Variants in RB1 observed in about 807,000 individuals in gnomAD.
RB1 encodes the protein RB transcriptional corepressor 1, also known as retinoblastoma-associated protein.
A neutral mutation model predicts 135.4 loss-of-function variants in RB1; 18 were observed. The observed-to-expected ratio is 0.13, with a 90% CI of 0.09 to 0.20. RB1 has a LOEUF of 0.20. RB1 is among the 10% of genes least tolerant of loss of function. The probability of loss-of-function intolerance (pLI) is 1.00; values close to 1 mark genes in which losing one functional copy is unlikely to be tolerated. For synonymous variants in RB1, 365 were observed against 373.2 expected (o/e 0.98, Z 0.25); for missense variants, 868 against 1,110.0 (o/e 0.78, Z 3.10).
chr13:48,440,690 T>C (rs546461243), intron 17 of RB1, among the ~76,000 whole-genome samples: 1 of 152,196 alleles, frequency 6.6e-6, no homozygotes, highest in South Asian at 2.1e-4. Context: ...AATTTAAAAT[T>C]GTAGTTGCAC....
At chr13:48,313,280 T>C (rs1470825771) in intron 2 of RB1, among the ~76,000 whole-genome samples, 1 of 152,116 alleles carries the variant, frequency 6.6e-6, no homozygotes, top group Non-Finnish European at 1.5e-5. Context: ...ATTTGCAGAC[T>C]TTTCCCCCCA....
chr13:48,392,966 G>T (rs766141066), intron 17 of RB1, among the ~76,000 whole-genome samples: 1 of 152,028 alleles, frequency 6.6e-6, no homozygotes. Flanking sequence ...TTATTTATCT[G>T]GTTTTTGTTT....
chr13:48,321,105 CGGCCA>C (rs1438588928), intron 2 of RB1, among the ~76,000 whole-genome samples: 1 of 152,070 alleles, frequency 6.6e-6, no homozygotes, highest in African/African-American at 2.4e-5. Context: ...ACTTTTGACT[CGGCCA>C]GGCCCCCTGC....
intron 2 of RB1, among the ~76,000 whole-genome samples, chr13:48,324,050 A>T (rs1030778775): frequency 1.2e-4 from 18 of 152,086 alleles, no homozygotes; most frequent in Non-Finnish European, 1.8e-4. Flanking sequence ...TTACTTTAAA[A>T]TTTTTTATTT....
At chr13:48,458,126 C>A (rs1949373109) in intron 19 of RB1, among the ~76,000 whole-genome samples, 1 of 152,238 alleles carries the variant, frequency 6.6e-6, no homozygotes, top group African/African-American at 2.4e-5. Flanking sequence ...GTCCCCGGCT[C>A]CTCCGGGCTT....
intron 2 of RB1, among the ~76,000 whole-genome samples, chr13:48,320,785 C>G (rs553741091): frequency 1.3e-5 from 2 of 151,346 alleles, no homozygotes; most frequent in East Asian, 3.9e-4. Context: ...GAGCTGAGAT[C>G]GCCCCACTGC....
chr13:48,404,234 T>C (rs1593472162), intron 17 of RB1: 1 of 151,956 alleles, frequency 6.6e-6, no homozygotes, highest in South Asian at 2.1e-4. Flanking sequence ...AGAACAGAAA[T>C]TGAAGTAAAC....
At chr13:48,442,874 C>G (rs1240787862) in intron 17 of RB1, among the ~76,000 whole-genome samples, 1 of 152,004 alleles carries the variant, frequency 6.6e-6, no homozygotes, top group Non-Finnish European at 1.5e-5. Context: ...TTTCAAAATA[C>G]TTTAAATATT....
intron 2 of RB1, among the ~76,000 whole-genome samples, chr13:48,316,104 C>T (rs892600302): frequency 6.6e-6 from 1 of 152,144 alleles, no homozygotes; most frequent in Non-Finnish European, 1.5e-5. Flanking sequence ...TCCACCCAGG[C>T]CCAGGGCTGA....
chr13:48,311,543 A>G lies in RB1; in HGVS notation c.264+4137A>G, dbSNP rs141729458. Among the ~76,000 whole-genome samples the G allele has an allele frequency of 5.4e-4, 82 of 152,270 alleles. No individual in the cohort carries two copies. The East Asian group carries it at 0.014, about 26-fold the overall frequency. ...GAACATTGTAGGCAATTGTAACACAATGGTAAGTATTTGTATATCTATACA... is the reference window on the plus strand; with the variant it reads ...GAACATTGTAGGCAATTGTAACACAGTGGTAAGTATTTGTATATCTATACA... On this transcript the variant is annotated intron_variant, in intron 2 of 26. Transcript: ENST00000267163.
chr13:48,379,712 A>G (rs934239361), intron 14 of RB1, 62 bp downstream of exon 14: 2 of 1,564,250 alleles, frequency 1.3e-6, no homozygotes, highest in African/African-American at 1.4e-5. Flanking sequence ...CTGCAATCCC[A>G]GCACTTTGGG....
intron 2 of RB1, among the ~76,000 whole-genome samples, chr13:48,331,195 A>G (rs1398908122): frequency 6.6e-6 from 1 of 152,244 alleles, no homozygotes; most frequent in Non-Finnish European, 1.5e-5. Flanking sequence ...GGGGAAACCT[A>G]AAATCTTTTC....
At position 48,476,744 on chromosome 13, in the gene RB1, G is replaced by A. The variant is rs1204453868; in HGVS notation, c.2564G>A (p.Ser855Asn). Residue 855 changes from serine (S) to asparagine (N), a missense_variant, in exon 25 of 27, where the codon AGC becomes AAC. Physicochemically the swap from Ser to Asn is conservative, Grantham distance 46. Transcript: ENST00000267163. ...AAAATAAATCAGATGGTATGTAACAGCGACCGTGTGCTCAAAAGAAGTGCT... is the reference window on the plus strand; with the variant it reads ...AAAATAAATCAGATGGTATGTAACAACGACCGTGTGCTCAAAAGAAGTGCT... Reference protein sequence around the residue: ...FQKINQMVCNSDRVLKRSAEG... With the variant: ...FQKINQMVCNNDRVLKRSAEG... 1.2e-6 allele frequency: 2 copies of A among 1,613,490 alleles called. No individual in the cohort carries two copies. Among genetic ancestry groups the A allele is most frequent in the Non-Finnish European group, 1.7e-6 (2 of 1,179,562 alleles).
At chr13:48,307,888 T>C (rs2854354) in intron 2 of RB1, among the ~76,000 whole-genome samples, 140,298 of 150,840 alleles carry the variant, frequency 0.93, 65,765 homozygotes, top group East Asian at 1. Flanking sequence ...TGAAAAAAAT[T>C]CCTCCATAAA....
rs2854351 is a variant in RB1 at position 48,304,135 on chromosome 13, T to C, written c.137+86T>C. 1 allele frequency: 1,300,790 copies of C among 1,301,658 alleles called. 649,969 individuals carry two copies. Among genetic ancestry groups the C allele is most frequent in the East Asian group, 1 (31,424 of 31,424 alleles). 80.6% of individuals were successfully genotyped at this position (1,301,658 alleles called of 1,614,324 possible). On this transcript the variant is annotated intron_variant, in intron 1 of 26. Transcript: ENST00000267163. ...GGGCGCCAAGGCGGCTCGGCGGGGA[T>C]CCGTCCTCGCCAGGGGCCGGGTCCC...
chr13:48,397,491 CA>C (rs1364994204), intron 17 of RB1, among the ~76,000 whole-genome samples: 4 of 151,992 alleles, frequency 2.6e-5, no homozygotes, highest in African/African-American at 9.7e-5. Context: ...CGGGGCCTGT[CA>C]GGGGGTGCGG....
intron 17 of RB1, among the ~76,000 whole-genome samples, chr13:48,428,862 G>GATT (rs1949102644): frequency 6.6e-6 from 1 of 152,160 alleles, no homozygotes; most frequent in Admixed American, 6.5e-5. Context: ...TTCCAGCATA[G>GATT]ATTATTATCA....
At chr13:48,434,105 G>A (rs1327651082) in intron 17 of RB1, among the ~76,000 whole-genome samples, 1 of 151,852 alleles carries the variant, frequency 6.6e-6, no homozygotes, top group Non-Finnish European at 1.5e-5. Context: ...AATCATAATA[G>A]CTTTGTATTT....
At chr13:48,384,233 A>G (rs1003248315) in intron 17 of RB1, among the ~76,000 whole-genome samples, 1 of 152,156 alleles carries the variant, frequency 6.6e-6, no homozygotes, top group East Asian at 1.9e-4. Context: ...TCTCTGGCAG[A>G]TGAAACTATA....
Sources: gnomAD v4.1 joint callset for allele counts (sites outside exome capture counted in the v4.1 genomes callset) on GRCh38, gnomAD v4.1.1 for gene constraint, MANE v1.5 for transcripts, NCBI Gene and HGNC (gene_info 2026-07-23, HGNC 2026-07-21) for gene names.